Variants in RASSF8 observed in about 807,000 individuals in gnomAD.
RASSF8 encodes ras association domain-containing protein 8.
Under a neutral mutation model 48.5 loss-of-function variants are expected in RASSF8, and 22 were observed. The observed-to-expected ratio is 0.45, with a 90% CI of 0.32 to 0.65. The LOEUF is 0.65. Ranked by LOEUF, RASSF8 falls within the 30% of genes least tolerant of loss-of-function variation. The pLI is 0.03. For missense variants in RASSF8, 418 were observed against 489.2 expected (o/e 0.85, Z 1.37); for synonymous variants, 127 against 171.5 (o/e 0.74, Z 2.03).
chr12:26,031,921 T>C (rs1943038379), intron 2 of RASSF8, among the ~76,000 whole-genome samples: 1 of 152,200 alleles, frequency 6.6e-6, no homozygotes, highest in Non-Finnish European at 1.5e-5. Flanking sequence ...TTTCAAAATA[T>C]CCTGTTTCTC....
intron 5 of RASSF8, among the ~76,000 whole-genome samples, 184 bp from the exon 6 acceptor site, chr12:26,068,513 A>G (rs1364726178): frequency 6.6e-6 from 1 of 152,208 alleles, no homozygotes; most frequent in Non-Finnish European, 1.5e-5. Context: ...ATCAACAAAA[A>G]CTAGTTTATC....
At chr12:26,003,413 T>C (rs1392576814) in intron 2 of RASSF8, among the ~76,000 whole-genome samples, 1 of 150,996 alleles carries the variant, frequency 6.6e-6, no homozygotes, top group Non-Finnish European at 1.5e-5. Context: ...CAGACCTTTG[T>C]CTCTGTAATT....
intron 2 of RASSF8, among the ~76,000 whole-genome samples, chr12:26,006,795 A>C (rs1051867154): frequency 6.6e-6 from 1 of 152,220 alleles, no homozygotes; most frequent in African/African-American, 2.4e-5. Context: ...GGAATAGTGG[A>C]ACATGGGATG....
chr12:25,980,567 G>A (rs1941717704), intron 1 of RASSF8, among the ~76,000 whole-genome samples: 1 of 152,088 alleles, frequency 6.6e-6, no homozygotes, highest in South Asian at 2.1e-4. Context: ...AAAACACTAT[G>A]TTGGCCAAAC....
intron 2 of RASSF8, among the ~76,000 whole-genome samples, chr12:26,007,175 G>A (rs1942411764): frequency 6.6e-6 from 1 of 152,052 alleles, no homozygotes; most frequent in Admixed American, 6.6e-5. Context: ...TCACCATCAG[G>A]GGAGGGCATT....
intron 2 of RASSF8, among the ~76,000 whole-genome samples, chr12:26,017,746 A>G (rs1942686102): frequency 6.6e-6 from 1 of 152,272 alleles, no homozygotes; most frequent in African/African-American, 2.4e-5. Context: ...CCCATGCCAC[A>G]GGAGGACCCC....
chr12:26,060,144 G>A (rs1288612770), intron 3 of RASSF8, among the ~76,000 whole-genome samples: 4 of 152,048 alleles, frequency 2.6e-5, no homozygotes, highest in East Asian at 1.9e-4. Context: ...TGATCTGCCC[G>A]CCTCGGCCTC....
chr12:26,016,203 T>TG (rs200172608), intron 2 of RASSF8, among the ~76,000 whole-genome samples: 14,395 of 126,828 alleles, frequency 0.11, 747 homozygotes, highest in Middle Eastern at 0.17. Context: ...GGGCTGTTTT[T>TG]GGGTTTTTTT....
chr12:26,013,852 C>T (rs1031061734), intron 2 of RASSF8, among the ~76,000 whole-genome samples: 4 of 152,090 alleles, frequency 2.6e-5, no homozygotes, highest in African/African-American at 7.2e-5. Flanking sequence ...TGAAATTCTT[C>T]GTAGTGTAAT....
chr12:25,998,304 A>G (rs561569717), intron 2 of RASSF8, among the ~76,000 whole-genome samples: 4 of 151,574 alleles, frequency 2.6e-5, no homozygotes, highest in Admixed American at 1.3e-4. Flanking sequence ...TCATTTTTAG[A>G]TATCTTTCAC....
rs1943049303 is a variant in RASSF8 at position 26,032,463 on chromosome 12, G to C, written c.-108-22773G>C. Among the ~76,000 whole-genome samples the C allele has an allele frequency of 3.3e-5, 5 of 152,120 alleles. No individual in the cohort carries two copies. The South Asian group carries it at 1.0e-3, about 32-fold the overall frequency. ...CCCAAAGTCAAGTTCTAGGACTCTTGGGACTGTTTCATGGCTGAGTCAAAG... is the reference window on the plus strand; with the variant it reads ...CCCAAAGTCAAGTTCTAGGACTCTTCGGACTGTTTCATGGCTGAGTCAAAG... On this transcript the variant is annotated intron_variant, in intron 2 of 5. Transcript: ENST00000689635.
intron 2 of RASSF8, among the ~76,000 whole-genome samples, chr12:26,012,038 A>G (rs1942539544): frequency 1.3e-5 from 2 of 152,212 alleles, no homozygotes; most frequent in East Asian, 1.9e-4. Context: ...TTTTGAAACA[A>G]TTAGGTACAA....
intron 3 of RASSF8, among the ~76,000 whole-genome samples, chr12:26,056,402 G>A (rs1222852566): frequency 6.6e-6 from 1 of 152,166 alleles, no homozygotes; most frequent in Non-Finnish European, 1.5e-5. Context: ...TGCATCTTAA[G>A]TCTTTCATTT....
intron 2 of RASSF8, among the ~76,000 whole-genome samples, chr12:26,037,614 A>G (rs913049297): frequency 2.0e-5 from 3 of 152,218 alleles, no homozygotes; most frequent in African/African-American, 7.2e-5. Context: ...ATAACTAGCA[A>G]TGAGATTGGC....
intron 1 of RASSF8, among the ~76,000 whole-genome samples, chr12:25,965,363 CTTTTTTTT>C (rs11420016): frequency 3.4e-5 from 4 of 116,892 alleles, no homozygotes; most frequent in African/African-American, 1.3e-4. Context: ...TCCCAAATTT[CTTTTTTTT>C]TTTTTTTTTT....
intron 1 of RASSF8, among the ~76,000 whole-genome samples, chr12:25,960,168 T>A (rs1420563777): frequency 1.3e-5 from 2 of 152,208 alleles, no homozygotes; most frequent in African/African-American, 4.8e-5. Context: ...TTAAAATATG[T>A]ATAAATCTCT....
At chr12:26,062,529 G>A (rs1943766953) in intron 3 of RASSF8, among the ~76,000 whole-genome samples, 1 of 152,178 alleles carries the variant, frequency 6.6e-6, no homozygotes, top group African/African-American at 2.4e-5. Flanking sequence ...AGGAGACTGA[G>A]GCTAAAGGAA....
intron 2 of RASSF8, among the ~76,000 whole-genome samples, chr12:26,001,780 GTTAAC>G (rs1942264509): frequency 6.6e-6 from 1 of 151,158 alleles, no homozygotes; most frequent in Non-Finnish European, 1.5e-5. Flanking sequence ...CTGTTTTACA[GTTAAC>G]TTAAAAAAAA....
intron 2 of RASSF8, among the ~76,000 whole-genome samples, chr12:26,040,988 C>T (rs369810454): frequency 2.6e-5 from 4 of 151,618 alleles, no homozygotes; most frequent in East Asian, 1.9e-4. Context: ...CCCAGGTTCA[C>T]GCCATTCTCC....
Sources: gnomAD v4.1 joint callset for allele counts (sites outside exome capture counted in the v4.1 genomes callset) on GRCh38, gnomAD v4.1.1 for gene constraint, MANE v1.5 for transcripts, NCBI Gene and HGNC (gene_info 2026-07-23, HGNC 2026-07-21) for gene names.